The following LRRC7 variants were observed in gnomAD, a reference collection of about 807,000 sequenced individuals.
The protein encoded by LRRC7 is leucine-rich repeat-containing protein 7.
LRRC7 carries 23 observed loss-of-function variants against 175.7 expected under a neutral mutation model. The observed-to-expected ratio is 0.13, with a 90% CI of 0.09 to 0.19. The LOEUF is 0.19. Ranked by LOEUF, LRRC7 falls within the 10% of genes least tolerant of loss-of-function variation. The pLI is 1.00. For missense variants in LRRC7, 1,354 were observed against 1,904.7 expected (o/e 0.71, Z 5.38); for synonymous variants, 685 against 680.9 (o/e 1.01, Z -0.09).
intron 1 of LRRC7, chr1:69,607,376 A>C (rs1647770875): frequency 6.6e-6 from 1 of 152,162 alleles, no homozygotes; most frequent in South Asian, 2.1e-4. Flanking sequence ...AAGGAGTGAT[A>C]TAACACAAAA....
chr1:69,960,446 T>G (rs1650943079), intron 8 of LRRC7, among the ~76,000 whole-genome samples: 1 of 152,162 alleles, frequency 6.6e-6, no homozygotes. Flanking sequence ...CCTGGATTCG[T>G]TGATCTTCCA....
Position 70,039,691 on chromosome 1 carries a change from G to A in LRRC7, c.3867G>A (p.Lys1289=), listed in dbSNP as rs1659692420. The A allele has an allele frequency of 1.2e-6, 2 of 1,614,008 alleles. No homozygotes were observed. The highest frequency in any genetic ancestry group is 1.7e-5 in the Admixed American group (1 of 60,008). The change falls in exon 21 of 27, where the codon AAG becomes AAA. Residue 1289 remains lysine (K), a synonymous_variant. Transcript: ENST00000651989. ...AGCCATCAGATAACAGTGATTTAAAGACGAGGCCTACTCCTGTGAAGGGAG... is the reference window on the plus strand; with the variant it reads ...AGCCATCAGATAACAGTGATTTAAAAACGAGGCCTACTCCTGTGAAGGGAG... ...GDKPSDNSDL[K]TRPTPVKGEE...
intron 8 of LRRC7, among the ~76,000 whole-genome samples, chr1:69,953,250 C>G (rs1421072884): frequency 6.6e-6 from 1 of 151,982 alleles, no homozygotes; most frequent in African/African-American, 2.4e-5. Context: ...ACTAATTCTT[C>G]CTTCTGGAAT....
intron 1 of LRRC7, among the ~76,000 whole-genome samples, chr1:69,659,253 G>A (rs1657088629): frequency 6.6e-6 from 1 of 151,928 alleles, no homozygotes; most frequent in Non-Finnish European, 1.5e-5. Context: ...GAATGGAGAA[G>A]AGAGAATCTA....
chr1:70,033,302 A>G (rs1658961534), intron 18 of LRRC7, among the ~76,000 whole-genome samples: 2 of 152,202 alleles, frequency 1.3e-5, no homozygotes, highest in African/African-American at 4.8e-5. Context: ...ATGATAATAA[A>G]TAAATACCAC....
At chr1:69,877,602 T>C (rs965661969) in intron 7 of LRRC7, among the ~76,000 whole-genome samples, 4 of 152,188 alleles carry the variant, frequency 2.6e-5, no homozygotes, top group African/African-American at 9.6e-5. Context: ...CAATTTAATT[T>C]TGGCCATTTC....
At position 69,717,757 on chromosome 1, in the gene LRRC7, TGAAAAAAAGAAAAAAAGAAAGAAAGAAA is replaced by T. The variant is rs1384342129; in HGVS notation, c.100+39284_100+39311del. ...CCATAATTTAAAAGATATTGGAACA[TGAAAAAAAGAAAAAAAGAAAGAAAGAAA>T]GAAAGAAAGAAAGAAAGAAAGAAAG... On this transcript the variant is annotated intron_variant, in intron 2 of 26. Coordinates refer to ENST00000651989, the MANE Select transcript of LRRC7 (RefSeq NM_001370785.2). Among the ~76,000 whole-genome samples the T allele has an allele frequency of 6.1e-3, 389 of 63,514 alleles. 98 individuals carry two copies. The highest frequency in any genetic ancestry group is 0.013 in the South Asian group (26 of 1,946). The allele number at this position is 63,514 out of a possible 152,430, so 41.7% of individuals were successfully genotyped here.
intron 1 of LRRC7, among the ~76,000 whole-genome samples, chr1:69,583,995 C>A (rs1646304664): frequency 6.6e-6 from 1 of 152,098 alleles, no homozygotes. Flanking sequence ...GAGAAAAACA[C>A]AACTCTAGGG....
chr1:69,629,360 T>C (rs1450035519), intron 1 of LRRC7, among the ~76,000 whole-genome samples: 1 of 152,142 alleles, frequency 6.6e-6, no homozygotes, highest in African/African-American at 2.4e-5. Flanking sequence ...AAACTATAAA[T>C]AAGAATACAT....
At chr1:69,824,336 A>G (rs1047228132) in intron 4 of LRRC7, among the ~76,000 whole-genome samples, 2 of 152,180 alleles carry the variant, frequency 1.3e-5, no homozygotes, top group Non-Finnish European at 1.5e-5. Flanking sequence ...AACTTAGATT[A>G]TTGACATGGC....
intron 10 of LRRC7, among the ~76,000 whole-genome samples, chr1:69,990,205 A>C (rs979446475): frequency 6.6e-6 from 1 of 152,136 alleles, no homozygotes; most frequent in African/African-American, 2.4e-5. Flanking sequence ...TGGTAAATTA[A>C]GTAATTTAAT....
At chr1:70,120,331 T>C (rs1364530382) in intron 26 of LRRC7, among the ~76,000 whole-genome samples, 1 of 152,048 alleles carries the variant, frequency 6.6e-6, no homozygotes, top group African/African-American at 2.4e-5. Flanking sequence ...TCAAAGCAAA[T>C]TTTTACTTCT....
chr1:69,912,250 C>A (rs1323402740), intron 7 of LRRC7, among the ~76,000 whole-genome samples: 1 of 152,108 alleles, frequency 6.6e-6, no homozygotes, highest in Non-Finnish European at 1.5e-5. Context: ...ATGAGCCTGA[C>A]ACATTGTGTG....
rs1680928873 is a variant in LRRC7, at chr1:69,834,831, T to C, written c.552T>C (p.Asn184=). The change falls in exon 6 of 27, where the codon AAT becomes AAC. Residue 184 remains asparagine, a synonymous_variant. Coordinates refer to ENST00000651989, the MANE Select transcript of LRRC7 (RefSeq NM_001370785.2). Reference sequence around the variant, plus strand: ...TAAACCTGACCCAGCTCTACCTGAATGACGCCTTTCTTGAATTTCTTCCAG... The same window carrying C: ...TAAACCTGACCCAGCTCTACCTGAACGACGCCTTTCTTGAATTTCTTCCAG... The part of the protein sequence containing the change: ...QLLNLTQLYL[N]DAFLEFLPAN... 1 of 1,613,354 alleles carries C rather than the reference T, an allele frequency of 6.2e-7. No homozygotes were observed. The highest frequency in any genetic ancestry group is 2.2e-5 in the East Asian group (1 of 44,816).
chr1:69,830,736 A>G (rs1339162311), intron 5 of LRRC7, among the ~76,000 whole-genome samples: 1 of 151,962 alleles, frequency 6.6e-6, no homozygotes, highest in Non-Finnish European at 1.5e-5. Context: ...GAAATAAAAC[A>G]TAGATGTCGT....
At chr1:69,705,204 T>C (rs1663876532) in intron 2 of LRRC7, among the ~76,000 whole-genome samples, 1 of 152,180 alleles carries the variant, frequency 6.6e-6, no homozygotes, top group Non-Finnish European at 1.5e-5. Flanking sequence ...TATTTTTCAC[T>C]ACAATTACTT....
chr1:69,707,789 G>A (rs894568346), intron 2 of LRRC7, among the ~76,000 whole-genome samples: 1 of 152,146 alleles, frequency 6.6e-6, no homozygotes, highest in Non-Finnish European at 1.5e-5. Flanking sequence ...TTGTGAGGAA[G>A]CAGACTCTTG....
At chr1:69,979,960 G>A (rs1422553519) in intron 8 of LRRC7, among the ~76,000 whole-genome samples, 2 of 152,032 alleles carry the variant, frequency 1.3e-5, no homozygotes, top group African/African-American at 2.4e-5. Context: ...TACACACACA[G>A]TAAGAAGCTA....
chr1:69,860,162 T>A (rs1684204351), intron 7 of LRRC7, among the ~76,000 whole-genome samples: 1 of 152,048 alleles, frequency 6.6e-6, no homozygotes, highest in South Asian at 2.1e-4. Context: ...TGAAATATAT[T>A]CTTTGTTGAA....
Sources: allele counts gnomAD v4.1 joint callset (sites outside exome capture counted in the v4.1 genomes callset), GRCh38; gene constraint gnomAD v4.1.1; transcripts MANE v1.5; gene names NCBI Gene and HGNC (gene_info 2026-07-23, HGNC 2026-07-21).